ELOVL5: variants seen among roughly 807,000 people sequenced by gnomAD.
The protein encoded by ELOVL5 is ELOVL fatty acid elongase 5.
ELOVL5 carries 8 observed loss-of-function variants against 38.6 expected under a neutral mutation model. That is an observed-to-expected ratio of 0.21 (90% confidence interval 0.12 to 0.37). ELOVL5 has a LOEUF of 0.37. ELOVL5 is among the 10% of genes least tolerant of loss of function. ELOVL5 has a pLI of 1.00. For missense variants in ELOVL5, 280 were observed against 367.8 expected (o/e 0.76, Z 1.95); for synonymous variants, 127 against 133.7 (o/e 0.95, Z 0.34).
rs576607301 is a variant in ELOVL5 at position 53,322,292 on chromosome 6, T to G, written c.-9+26525A>C. Among the ~76,000 whole-genome samples the G allele has an allele frequency of 2.0e-4, 30 of 152,296 alleles. No individual in the cohort carries two copies. In the South Asian group the frequency reaches 5.4e-3, roughly 27 times the overall value. ...CCAAATTTTTAAAGTATTTAAGAAC[T>G]TGAAGTAAGAAGACTCTTCCAGTTG... On this transcript the variant is annotated intron_variant, in intron 1 of 7. Transcript: ENST00000304434.
intron 1 of ELOVL5, among the ~76,000 whole-genome samples, chr6:53,347,694 T>G (rs1769617563): frequency 6.6e-6 from 1 of 152,188 alleles, no homozygotes; most frequent in Admixed American, 6.5e-5. Flanking sequence ...TAATAAACCA[T>G]GCACTGGATT....
chr6:53,268,968 T>C lies in ELOVL5; in HGVS notation c.*159A>G, dbSNP rs1765826043. The C allele has an allele frequency of 5.1e-6, 4 of 778,290 alleles. No individual in the cohort carries two copies. Among genetic ancestry groups the C allele is most frequent in the Non-Finnish European group, 8.2e-6 (4 of 485,438 alleles). 48.2% of individuals were successfully genotyped at this position (778,290 alleles called of 1,614,324 possible). On this transcript the variant is annotated 3_prime_UTR_variant, in exon 8 of 8. Transcript: ENST00000304434. ...CTTATCCCTACTTATATAATCTGTA[T>C]ACGTTTTCTAGGGGTTTTGAATTGA...
chr6:53,319,270 C>CAAAAAAAAA (rs59435925), intron 1 of ELOVL5, among the ~76,000 whole-genome samples: 19 of 74,898 alleles, frequency 2.5e-4, no homozygotes, highest in Non-Finnish European at 4.0e-4. Flanking sequence ...GACTCCATCT[C>CAAAAAAAAA]AAAAAAAAAA....
At chr6:53,279,438 C>T (rs1366975435) in intron 3 of ELOVL5, among the ~76,000 whole-genome samples, 2 of 152,192 alleles carry the variant, frequency 1.3e-5, no homozygotes, top group Non-Finnish European at 2.9e-5. Context: ...TAGCTGTTTG[C>T]TCACATGCTC....
intron 5 of ELOVL5, among the ~76,000 whole-genome samples, chr6:53,274,489 T>C (rs1452535180): frequency 2.6e-5 from 4 of 152,196 alleles, no homozygotes; most frequent in Non-Finnish European, 5.9e-5. Context: ...GACTGAGACA[T>C]TTGCTAAAAC....
rs1156837062 is a variant in ELOVL5, at chr6:53,285,499, T to G, written c.246+6277A>C. Among the ~76,000 whole-genome samples, 11 of 152,366 alleles carry G rather than the reference T, an allele frequency of 7.2e-5. No individual in the cohort carries two copies. In the Middle Eastern group the frequency reaches 0.027, roughly 377 times the overall value. ...GGCAAGGTGTAGCAGCAAGTGCTGC[T>G]ATAGAAGCTGCAGCCAGTTATCTGG... is the stretch of plus-strand genomic sequence containing the variant. On this transcript the variant is annotated intron_variant, in intron 3 of 7. Transcript: ENST00000304434.
chr6:53,278,514 G>A (rs924023524), intron 3 of ELOVL5, among the ~76,000 whole-genome samples: 3 of 152,136 alleles, frequency 2.0e-5, no homozygotes, highest in Admixed American at 2.0e-4. Context: ...TTAACCTAAC[G>A]TTCCATTTGC....
chr6:53,268,991 TG>T lies in ELOVL5; in HGVS notation c.*135del. 2 of 1,000,726 alleles carry T rather than the reference TG, an allele frequency of 2.0e-6. No homozygotes were observed. The highest frequency in any genetic ancestry group is 2.9e-6 in the Non-Finnish European group (2 of 678,038). The allele number at this position is 1,000,726 out of a possible 1,614,324, so 62.0% of individuals were successfully genotyped here. On this transcript the variant is annotated 3_prime_UTR_variant, in exon 8 of 8. Coordinates refer to ENST00000304434, the MANE Select transcript of ELOVL5 (RefSeq NM_021814.5). ...TATACGTTTTCTAGGGGTTTTGAAT[TG>T]ATGAAAGAAGTCCTACATGAATCAC...
intron 1 of ELOVL5, among the ~76,000 whole-genome samples, chr6:53,311,340 A>C (rs1190524262): frequency 2.6e-5 from 4 of 152,352 alleles, no homozygotes; most frequent in African/African-American, 7.2e-5. Flanking sequence ...ATACTGGCCA[A>C]GTAGATGGAG....
intron 1 of ELOVL5, among the ~76,000 whole-genome samples, chr6:53,305,567 C>A (rs1289105026): frequency 1.4e-5 from 2 of 141,816 alleles, no homozygotes; most frequent in Non-Finnish European, 3.1e-5. Context: ...CAGACGGGGT[C>A]GCGGCTGGGC....
At chr6:53,287,760 T>A in intron 3 of ELOVL5, 1 of 1,024,470 alleles carries the variant, frequency 9.8e-7, no homozygotes. Flanking sequence ...ACAGATCGGC[T>A]AAGAAAGGCC....
At chr6:53,286,794 T>A (rs1766589540) in intron 3 of ELOVL5, among the ~76,000 whole-genome samples, 1 of 152,194 alleles carries the variant, frequency 6.6e-6, no homozygotes, top group Non-Finnish European at 1.5e-5. Context: ...AAGAGTTTAA[T>A]TAGTATACCA....
intron 3 of ELOVL5, among the ~76,000 whole-genome samples, chr6:53,280,378 C>T (rs533031226): frequency 1.1e-3 from 162 of 152,250 alleles, no homozygotes; most frequent in Non-Finnish European, 1.4e-3. Flanking sequence ...ACAAACAGTA[C>T]CACTGCAAAG....
At chr6:53,311,025 C>G (rs1268687082) in intron 1 of ELOVL5, among the ~76,000 whole-genome samples, 1 of 152,228 alleles carries the variant, frequency 6.6e-6, no homozygotes, top group Non-Finnish European at 1.5e-5. Flanking sequence ...TAACTCCCCT[C>G]TGTACCTCAA....
intron 1 of ELOVL5, among the ~76,000 whole-genome samples, chr6:53,300,336 C>T (rs1233174878): frequency 1.3e-5 from 2 of 152,136 alleles, no homozygotes; most frequent in African/African-American, 2.4e-5. Flanking sequence ...TACCACACAC[C>T]GAGTGCCTAC....
intron 3 of ELOVL5, chr6:53,276,990 AG>A (rs895200792): frequency 3.4e-5 from 5 of 148,516 alleles, no homozygotes; most frequent in African/African-American, 1.2e-4. Flanking sequence ...ACTGGGGTAC[AG>A]GCTCTACATC....
intron 2 of ELOVL5, chr6:53,294,063 C>A: frequency 1.5e-6 from 2 of 1,321,502 alleles, no homozygotes; most frequent in Non-Finnish European, 2.0e-6. Context: ...ATATCACAAA[C>A]AATAAATACA....
Position 53,275,189 on chromosome 6 carries a change from G to A in ELOVL5, c.397C>T (p.Arg133Cys), listed in dbSNP as rs1414589085. The change falls in exon 5 of 8, where the codon CGC becomes TGC. Residue 133 changes from arginine to cysteine, a missense_variant. By Grantham distance (180) the Arg-to-Cys change is radical. Around this residue, in one of 3 missense-constraint regions of ELOVL5, gnomAD observed 150 missense variants for 178.0 expected, o/e 0.84. Transcript: ENST00000304434. Reference protein sequence around the residue: ...EFMDTFFFILRKNNHQITVLH... With the variant: ...EFMDTFFFILCKNNHQITVLH... ...ACCGTGATCTGGTGGTTGTTCTTGC[G>A]CAGGATGAAGAAGAAAGTGTCCATA... 1.9e-6 allele frequency: 3 copies of A among 1,613,978 alleles called. No individual in the cohort carries two copies. Among genetic ancestry groups the A allele is most frequent in the East Asian group, 2.2e-5 (1 of 44,896 alleles).
intron 1 of ELOVL5, among the ~76,000 whole-genome samples, chr6:53,327,048 T>G (rs1430486820): frequency 1.3e-5 from 2 of 152,156 alleles, no homozygotes; most frequent in Non-Finnish European, 2.9e-5. Flanking sequence ...TGTTTCCACA[T>G]GCATTCTCTA....
Sources: allele counts gnomAD v4.1 joint callset (sites outside exome capture counted in the v4.1 genomes callset), GRCh38; gene constraint gnomAD v4.1.1; regional missense constraint gnomAD v4.1.1; transcripts MANE v1.5; gene names NCBI Gene and HGNC (gene_info 2026-07-23, HGNC 2026-07-21).